Variants in TRABD2A observed in about 807,000 individuals in gnomAD.
TRABD2A encodes TraB domain containing 2A, also known as metalloprotease TIKI1.
TRABD2A carries 43 observed loss-of-function variants against 45.6 expected under a neutral mutation model. The observed-to-expected ratio is 0.94, with a 90% CI of 0.74 to 1.22. The LOEUF (loss-of-function observed/expected upper bound fraction) is 1.22, where lower values mean the gene tolerates loss of function less well. Ranked by LOEUF, TRABD2A falls within the 50% of genes most tolerant of loss-of-function variation. The probability of loss-of-function intolerance (pLI) is 0.00; values close to 1 mark genes in which losing one functional copy is unlikely to be tolerated. For synonymous variants in TRABD2A, 269 were observed against 265.0 expected (o/e 1.02, Z -0.15); for missense variants, 642 against 652.4 (o/e 0.98, Z 0.17).
intron 1 of TRABD2A, among the ~76,000 whole-genome samples, chr2:84,872,245 C>T (rs965411742): frequency 7.9e-5 from 12 of 152,186 alleles, no homozygotes; most frequent in Non-Finnish European, 4.4e-5. Context: ...CATGGTGACT[C>T]ACACCTGTAA....
At chr2:84,843,788 C>A (rs539214493) in intron 2 of TRABD2A, 1 of 152,336 alleles carries the variant, frequency 6.6e-6, no homozygotes, top group South Asian at 2.1e-4. Flanking sequence ...GGCTTAATCA[C>A]CTCCTAAAGG....
chr2:84,870,890 A>G (rs1232884293), intron 1 of TRABD2A, 105 bp from the exon 2 acceptor site: 9 of 1,187,026 alleles, frequency 7.6e-6, no homozygotes, highest in Non-Finnish European at 1.0e-5. Context: ...AAAGATATCA[A>G]AGTAGAATTT....
At chr2:84,846,790 G>A (rs149386684) in intron 2 of TRABD2A, among the ~76,000 whole-genome samples, 263 of 152,334 alleles carry the variant, frequency 1.7e-3, no homozygotes, top group African/African-American at 6.1e-3. Context: ...GACCCAAGAC[G>A]GATTCCTGAA....
intron 2 of TRABD2A, among the ~76,000 whole-genome samples, chr2:84,850,515 C>A (rs772090073): frequency 1.3e-5 from 2 of 151,922 alleles, no homozygotes; most frequent in Non-Finnish European, 2.9e-5. Context: ...AGGGCAGTAG[C>A]GGGTAATGCA....
intron 1 of TRABD2A, among the ~76,000 whole-genome samples, chr2:84,875,764 C>CT (rs2105414298): frequency 6.6e-6 from 1 of 152,250 alleles, no homozygotes; most frequent in Non-Finnish European, 1.5e-5. Context: ...AATCCCAACA[C>CT]TTTGGGAAGC....
chr2:84,862,360 G>C (rs886519886), intron 2 of TRABD2A, among the ~76,000 whole-genome samples: 2 of 152,198 alleles, frequency 1.3e-5, no homozygotes, highest in Non-Finnish European at 2.9e-5. Flanking sequence ...TCATTGGGCT[G>C]ATCCACCAAG....
chr2:84,862,103 C>A (rs554144675), intron 2 of TRABD2A, among the ~76,000 whole-genome samples: 1 of 152,200 alleles, frequency 6.6e-6, no homozygotes, highest in African/African-American at 2.4e-5. Context: ...CCCCCACTTC[C>A]TCTGTCCCTG....
At chr2:84,828,185 G>A (rs1001073970) in intron 5 of TRABD2A, among the ~76,000 whole-genome samples, 1 of 152,158 alleles carries the variant, frequency 6.6e-6, no homozygotes, top group African/African-American at 2.4e-5. Flanking sequence ...CATTTCCTGT[G>A]TTTTCCAGCC....
intron 4 of TRABD2A, chr2:84,837,121 G>C (rs1367697215): frequency 6.7e-6 from 1 of 149,196 alleles, no homozygotes; most frequent in Non-Finnish European, 1.5e-5. Flanking sequence ...AGCCTCCCAA[G>C]TAGCTGGGAT....
rs1342327592 is a variant in TRABD2A at position 84,830,381 on chromosome 2, C to T, written c.1082+1674G>A. On this transcript the variant is annotated intron_variant, in intron 5 of 6. Transcript: ENST00000409520. This position sits in a 1 kb window ranked among gnomAD's most constrained non-coding sequence, Gnocchi z 4.9. ...ATGGAGGCTCTTCTGAAGCAAGCAG[C>T]AGATCCATGCTGGAAGGGTAGGGTC... is the stretch of plus-strand genomic sequence containing the variant. Among the ~76,000 whole-genome samples, 6 of 152,122 alleles carry T rather than the reference C, an allele frequency of 3.9e-5. No homozygotes were observed. The highest frequency in any genetic ancestry group is 8.8e-5 in the Non-Finnish European group (6 of 68,034).
intron 2 of TRABD2A, among the ~76,000 whole-genome samples, chr2:84,864,614 G>C (rs1682614381): frequency 6.6e-6 from 1 of 152,076 alleles, no homozygotes. Context: ...TTCCAGATGG[G>C]CCTCTCTCGG....
chr2:84,846,448 T>C (rs1190739562), intron 2 of TRABD2A, among the ~76,000 whole-genome samples: 1 of 152,188 alleles, frequency 6.6e-6, no homozygotes, highest in Non-Finnish European at 1.5e-5. Flanking sequence ...GATCAAGAGA[T>C]ACAGTGCCTC....
intron 3 of TRABD2A, among the ~76,000 whole-genome samples, chr2:84,840,221 C>T (rs530237197): frequency 3.3e-5 from 5 of 152,294 alleles, no homozygotes; most frequent in South Asian, 2.1e-4. Flanking sequence ...CCTTTTGCGA[C>T]GGCCTCGAAA....
chr2:84,871,691 T>C (rs1416212066), intron 1 of TRABD2A, among the ~76,000 whole-genome samples: 1 of 152,162 alleles, frequency 6.6e-6, no homozygotes, highest in Non-Finnish European at 1.5e-5. Context: ...TTCACCATAT[T>C]GGCCAGGCTG....
At chr2:84,831,607 C>A (rs367752777) in intron 5 of TRABD2A, among the ~76,000 whole-genome samples, 1 of 152,108 alleles carries the variant, frequency 6.6e-6, no homozygotes, top group East Asian at 1.9e-4. Context: ...TCTCCTGCCC[C>A]TGAGAAGGGT....
intron 2 of TRABD2A, among the ~76,000 whole-genome samples, chr2:84,865,426 A>C (rs970606536): frequency 6.6e-6 from 1 of 152,174 alleles, no homozygotes; most frequent in Non-Finnish European, 1.5e-5. Flanking sequence ...CTCAGCGTCA[A>C]CTCTGGGGTT....
At chr2:84,848,825 C>T (rs1202738276) in intron 2 of TRABD2A, among the ~76,000 whole-genome samples, 4 of 151,956 alleles carry the variant, frequency 2.6e-5, no homozygotes, top group African/African-American at 2.4e-5. Flanking sequence ...CCACCCAACT[C>T]GGCCTCCCAA....
intron 2 of TRABD2A, among the ~76,000 whole-genome samples, chr2:84,842,799 A>T (rs1386216546): frequency 6.6e-6 from 1 of 151,998 alleles, no homozygotes; most frequent in Non-Finnish European, 1.5e-5. Flanking sequence ...AGTCTTTAAT[A>T]TACTAATGTG....
At chr2:84,835,533 C>T (rs1479617247) in intron 4 of TRABD2A, 1 of 152,248 alleles carries the variant, frequency 6.6e-6, no homozygotes. Context: ...CCCACCTCAG[C>T]TTCCCAAGTA....
Sources: allele counts gnomAD v4.1 joint callset (sites outside exome capture counted in the v4.1 genomes callset), GRCh38; gene constraint gnomAD v4.1.1; non-coding constraint Gnocchi (gnomAD v3.1); transcripts MANE v1.5; gene names NCBI Gene and HGNC (gene_info 2026-07-23, HGNC 2026-07-21).